The following ATP2B2 variants were observed in gnomAD, a reference collection of about 807,000 sequenced individuals.
The protein encoded by ATP2B2 is ATPase plasma membrane Ca2+ transporting 2.
Under a neutral mutation model 120.0 loss-of-function variants are expected in ATP2B2, and 15 were observed. That is an observed-to-expected ratio of 0.12 (90% CI 0.08 to 0.19). ATP2B2 has a LOEUF of 0.19. Ranked by LOEUF, ATP2B2 falls within the 10% of genes least tolerant of loss-of-function variation. The probability of loss-of-function intolerance (pLI) is 1.00; values close to 1 mark genes in which losing one functional copy is unlikely to be tolerated. For missense variants in ATP2B2, 1,045 were observed against 1,719.8 expected, an observed-to-expected ratio of 0.61 and a Z score of 6.94; for synonymous variants, 694 against 700.3, an observed-to-expected ratio of 0.99 and a Z score of 0.14.
intron 2 of ATP2B2, among the ~76,000 whole-genome samples, chr3:10,429,128 T>G (rs1314136691): frequency 6.6e-6 from 1 of 152,084 alleles, no homozygotes; most frequent in Non-Finnish European, 1.5e-5. Flanking sequence ...GCCCACCTTC[T>G]CCACTTTGCA....
intron 3 of ATP2B2, among the ~76,000 whole-genome samples, chr3:10,403,081 C>T (rs776266283): frequency 6.8e-6 from 1 of 146,836 alleles, no homozygotes; most frequent in South Asian, 2.1e-4. Flanking sequence ...CCTGCTGCTG[C>T]CTCTGCATGA....
upstream of ATP2B2, chr3:10,505,720 G>A (rs2066601655): frequency 6.8e-6 from 1 of 146,186 alleles, no homozygotes; most frequent in South Asian, 2.3e-4. Context: ...CTGGGGGATG[G>A]GGGCGGGAGG....
chr3:10,384,325 A>G (rs1459419246), intron 8 of ATP2B2, among the ~76,000 whole-genome samples: 1 of 152,184 alleles, frequency 6.6e-6, no homozygotes, highest in Non-Finnish European at 1.5e-5. Context: ...GGTGGGAAAA[A>G]GATTTTCCCC....
chr3:10,593,500 T>C (rs1016739135), intron 2 of ATP2B2, among the ~76,000 whole-genome samples: 1 of 152,240 alleles, frequency 6.6e-6, no homozygotes, highest in Non-Finnish European at 1.5e-5. Context: ...CTGGGAAAAC[T>C]GGCTAGCCAT....
intron 2 of ATP2B2, among the ~76,000 whole-genome samples, chr3:10,535,006 C>T (rs956455243): frequency 3.4e-5 from 5 of 147,224 alleles, no homozygotes; most frequent in East Asian, 2.0e-4. Context: ...CGGGTTCAAG[C>T]GATTTTCCTG....
At chr3:10,521,069 G>A (rs1190666359) in intron 3 of ATP2B2, among the ~76,000 whole-genome samples, 2 of 152,226 alleles carry the variant, frequency 1.3e-5, no homozygotes, top group East Asian at 3.8e-4. Flanking sequence ...CAAGGTAAAT[G>A]GATATTAGCC....
intron 1 of ATP2B2, among the ~76,000 whole-genome samples, chr3:10,662,081 C>A (rs2070797260): frequency 6.6e-6 from 1 of 152,128 alleles, no homozygotes; most frequent in South Asian, 2.1e-4. Context: ...CTTCCTTACA[C>A]CTTATACAAA....
chr3:10,525,534 G>A (rs187766687), intron 3 of ATP2B2, among the ~76,000 whole-genome samples: 57 of 151,824 alleles, frequency 3.8e-4, no homozygotes, highest in African/African-American at 1.2e-3. Flanking sequence ...ACTAACACCC[G>A]CACTTTATTC....
At chr3:10,671,439 C>T (rs2125692233) in intron 1 of ATP2B2, among the ~76,000 whole-genome samples, 1 of 152,284 alleles carries the variant, frequency 6.6e-6, no homozygotes, top group Admixed American at 6.5e-5. Flanking sequence ...TAGATTCCAG[C>T]TCAGTAGGTC....
intron 22 of ATP2B2, chr3:10,336,295 T>C: frequency 1.3e-6 from 2 of 1,550,446 alleles, no homozygotes; most frequent in East Asian, 2.4e-5. Flanking sequence ...TATTGACTAC[T>C]TCAATCTGCA....
intron 16 of ATP2B2, among the ~76,000 whole-genome samples, chr3:10,349,036 C>A (rs1054804892): frequency 1.3e-5 from 2 of 152,242 alleles, no homozygotes; most frequent in Non-Finnish European, 2.9e-5. Flanking sequence ...TGTTCTAGGG[C>A]TGATCTCCAG....
chr3:10,532,342 G>A (rs2067228885), intron 3 of ATP2B2, among the ~76,000 whole-genome samples: 2 of 152,290 alleles, frequency 1.3e-5, no homozygotes, highest in African/African-American at 4.8e-5. Flanking sequence ...AGGTAGCTAA[G>A]CCCTGGCTTC....
In ATP2B2 at chr3:10,340,697, C is replaced by T; in HGVS notation, c.2925G>A (p.Lys975=). The change falls in exon 20 of 23, where the codon AAG becomes AAA. Residue 975 remains lysine (K), a synonymous_variant. Transcript: ENST00000360273. The surrounding 1 kb of genome is among the most constrained non-coding windows in gnomAD (Gnocchi z 5.0). The part of the protein sequence containing the change: ...LIFTLLFVGE[K]MFQIDSGRNA... The stretch of plus-strand genomic sequence containing the variant: ...TCCTCCCGCTGTCGATCTGGAACAT[C>T]TTCTCGCCTGCCAAGTGAGAGAGTG... The T allele has an allele frequency of 1.2e-6, 2 of 1,613,972 alleles. No homozygotes were observed. Among genetic ancestry groups the T allele is most frequent in the Non-Finnish European group, 1.7e-6 (2 of 1,179,902 alleles).
At chr3:10,702,580 T>A (rs2071834719) in intron 1 of ATP2B2, among the ~76,000 whole-genome samples, 1 of 152,202 alleles carries the variant, frequency 6.6e-6, no homozygotes, top group Non-Finnish European at 1.5e-5. Flanking sequence ...TTGCTGATGT[T>A]TGTCTTTGCA....
chr3:10,387,411 T>C (rs2061712053), intron 6 of ATP2B2, among the ~76,000 whole-genome samples: 1 of 152,228 alleles, frequency 6.6e-6, no homozygotes, highest in Non-Finnish European at 1.5e-5. Flanking sequence ...GGGGGAGGCA[T>C]CTGTCCTCTC....
At chr3:10,681,090 G>A (rs2071371451) in intron 1 of ATP2B2, among the ~76,000 whole-genome samples, 1 of 152,192 alleles carries the variant, frequency 6.6e-6, no homozygotes, top group East Asian at 1.9e-4. Context: ...CGCCATGATC[G>A]TCAGCTTCCT....
intron 14 of ATP2B2, among the ~76,000 whole-genome samples, chr3:10,358,148 T>G (rs1399545725): frequency 6.6e-6 from 1 of 152,220 alleles, no homozygotes; most frequent in African/African-American, 2.4e-5. Flanking sequence ...AAGTAGACTC[T>G]CAGCTGTGTT....
At chr3:10,572,137 C>G (rs1354333563) in intron 2 of ATP2B2, among the ~76,000 whole-genome samples, 1 of 152,176 alleles carries the variant, frequency 6.6e-6, no homozygotes, top group Non-Finnish European at 1.5e-5. Flanking sequence ...TTGTTGGTTG[C>G]AGGCGGAGGC....
chr3:10,483,043 C>A (rs1309247628), intron 1 of ATP2B2, among the ~76,000 whole-genome samples: 3 of 152,228 alleles, frequency 2.0e-5, no homozygotes, highest in Non-Finnish European at 4.4e-5. Flanking sequence ...CAACGTGACA[C>A]AGCTCATAGG....
Sources: gnomAD v4.1 joint callset for allele counts (sites outside exome capture counted in the v4.1 genomes callset) on GRCh38, gnomAD v4.1.1 for gene constraint, Gnocchi (gnomAD v3.1) non-coding constraint, MANE v1.5 for transcripts, NCBI Gene and HGNC (gene_info 2026-07-23, HGNC 2026-07-21) for gene names.